The following FAM149A variants were observed in gnomAD, a reference collection of about 807,000 sequenced individuals.
FAM149A encodes protein FAM149A.
A neutral mutation model predicts 78.2 loss-of-function variants in FAM149A; 71 were observed. The observed-to-expected ratio is 0.91, with a 90% CI of 0.75 to 1.11. The LOEUF (loss-of-function observed/expected upper bound fraction) is 1.11, where lower values mean the gene tolerates loss of function less well. FAM149A is among the 50% of genes least tolerant of loss of function. The pLI, the probability that FAM149A is intolerant of heterozygous loss-of-function variation, is 0.00. For missense variants in FAM149A, 1,036 were observed against 971.0 expected (o/e 1.07, Z -0.89); for synonymous variants, 446 against 410.5 (o/e 1.09, Z -1.04).
rs1579911310 is a variant in FAM149A, at chr4:186,159,181, G to A, written c.1575+1462G>A. Among the ~76,000 whole-genome samples the A allele has an allele frequency of 2.0e-5, 3 of 152,198 alleles. No individual in the cohort carries two copies. The Middle Eastern group carries it at 0.01, about 518-fold the overall frequency. On this transcript the variant is annotated intron_variant, in intron 8 of 13. Transcript: ENST00000389354. ...TTGAGGCGTTTTGAGGAGATACAGA[G>A]GTGAATCCTAGTGATACAAAAGCCG...
intron 1 of FAM149A, chr4:186,132,122 A>C (rs527401043): frequency 3.0e-6 from 3 of 985,450 alleles, no homozygotes; most frequent in East Asian, 2.3e-4. Context: ...TGGTGATGCT[A>C]ATCATTTGAC....
rs1212665037 is a variant in FAM149A, at chr4:186,144,691, G to C, written c.567-4482G>C. On this transcript the variant is annotated intron_variant, in intron 1 of 13. Coordinates refer to ENST00000389354, the MANE Select transcript of FAM149A (RefSeq NM_001367768.3). This position sits in a 1 kb window ranked among gnomAD's most constrained non-coding sequence, Gnocchi z 4.2. ...GGTTGGAAACCCGGCCCGGCAGGGA[G>C]CGGGGAAGGCGCGCTTTCCCGGAGG... 1 of 531,294 alleles carries C rather than the reference G, an allele frequency of 1.9e-6. No individual in the cohort carries two copies. The highest frequency in any genetic ancestry group is 2.4e-6 in the Non-Finnish European group (1 of 414,366). 32.9% of individuals were successfully genotyped at this position (531,294 alleles called of 1,614,324 possible).
rs1477283429 is a variant in FAM149A, at chr4:186,104,716, G to A, written c.-361G>A. On this transcript the variant is annotated 5_prime_UTR_variant, in exon 1 of 14. Coordinates refer to ENST00000389354, the MANE Select transcript of FAM149A (RefSeq NM_001367768.3). ...CTGGGGCCCAATTAGCCTGGAGCGC[G>A]GCCGGGTGTGTTGAACGTAGCAACC... 6.7e-6 allele frequency among the ~76,000 whole-genome samples: 1 copy of A among 149,074 alleles called. No individual in the cohort carries two copies. Among genetic ancestry groups the A allele is most frequent in the East Asian group, 2.0e-4 (1 of 5,058 alleles).
rs1343668168 is a variant in FAM149A, at chr4:186,144,891, G to A, written c.567-4282G>A. 21 of 975,448 alleles carry A rather than the reference G, an allele frequency of 2.2e-5. No individual in the cohort carries two copies. Among genetic ancestry groups the A allele is most frequent in the Non-Finnish European group, 7.3e-6 (6 of 824,284 alleles). 60.4% of individuals were successfully genotyped at this position (975,448 alleles called of 1,614,324 possible). ...CGTGCGAGCCCCGCGGACCCCGGGCGCGCCCGGGCCGCCTGAGCTGGGCCA... is the reference window on the plus strand; with the variant it reads ...CGTGCGAGCCCCGCGGACCCCGGGCACGCCCGGGCCGCCTGAGCTGGGCCA... On this transcript the variant is annotated intron_variant, in intron 1 of 13. Coordinates refer to ENST00000389354, the MANE Select transcript of FAM149A (RefSeq NM_001367768.3). The surrounding 1 kb of genome is among the most constrained non-coding windows in gnomAD (Gnocchi z 4.2).
chr4:186,163,436 G>T lies in FAM149A; in HGVS notation c.1692G>T (p.Glu564Asp), dbSNP rs760901083. 7 of 1,613,356 alleles carry T rather than the reference G, an allele frequency of 4.3e-6. No homozygotes were observed. The East Asian group carries it at 1.1e-4, about 26-fold the overall frequency. ...ATTTCCTTCCCAGGAATGAGAAGGA[G>T]GACAAAGCATCGGGTGGAGGGGCAG... The change falls in exon 10 of 14, where the codon GAG (glutamate) becomes GAT (aspartate). Residue 564 changes from glutamate to aspartate, a missense_variant. Glu to Asp is a conservative substitution (Grantham distance 45). Coordinates refer to ENST00000389354, the MANE Select transcript of FAM149A (RefSeq NM_001367768.3).
rs1272868244 is a variant in FAM149A at position 186,105,488 on chromosome 4, G to GC, written c.414dup (p.Ala139ArgfsTer35). 1.1e-4 allele frequency: 137 copies of GC among 1,203,806 alleles called. No individual in the cohort carries two copies. The highest frequency in any genetic ancestry group is 1.3e-4 in the Non-Finnish European group (126 of 953,858). The allele number at this position is 1,203,806 out of a possible 1,614,324, so 74.6% of individuals were successfully genotyped here. On this transcript the variant is annotated frameshift_variant, in exon 1 of 14. Transcript: ENST00000389354. LOFTEE classifies it high-confidence loss of function. ...GCCCTCGGGCCCCGGCGGGGTCTGG[G>GC]CCGCGCTCCCCAGGAACCCGCTCCA...
chr4:186,139,631 C>T (rs891797663), intron 1 of FAM149A, among the ~76,000 whole-genome samples: 5 of 152,172 alleles, frequency 3.3e-5, no homozygotes, highest in African/African-American at 9.6e-5. Flanking sequence ...ACTGCAGTTA[C>T]TTTTGCATCC....
chr4:186,116,543 T>C (rs946730511), intron 1 of FAM149A: 1 of 985,278 alleles, frequency 1.0e-6, no homozygotes, highest in Admixed American at 6.1e-5. Flanking sequence ...TGTTCTGTCT[T>C]ATGCGTAGGC....
chr4:186,125,174 T>C (rs1438207992), intron 1 of FAM149A: 3 of 777,858 alleles, frequency 3.9e-6, no homozygotes, highest in Non-Finnish European at 4.7e-6. Flanking sequence ...GACTGGACTA[T>C]TGGAAATCCT....
chr4:186,123,430 C>A (rs1007295911), intron 1 of FAM149A: 3 of 933,190 alleles, frequency 3.2e-6, no homozygotes, highest in African/African-American at 3.6e-5. Flanking sequence ...CCTGTATGTT[C>A]TTGCTGGATA....
chr4:186,116,451 A>AC lies in FAM149A; in HGVS notation c.566+10811dup, dbSNP rs1419194142. 3 of 984,232 alleles carry AC rather than the reference A, an allele frequency of 3.0e-6. No individual in the cohort carries two copies. In the African/African-American group the frequency reaches 5.2e-5, roughly 17 times the overall value. The allele number at this position is 984,232 out of a possible 1,614,324, so 61.0% of individuals were successfully genotyped here. A position where few individuals can be genotyped will look rare whatever the true frequency, so the allele number is the denominator to read the frequency against. On this transcript the variant is annotated intron_variant, in intron 1 of 13. Transcript: ENST00000389354. ...CGTTACTTTCTATTACAGTCATATG[A>AC]CCATTACTGTCATTAAAGATAATAA... is the stretch of plus-strand genomic sequence containing the variant.
intron 6 of FAM149A, chr4:186,155,063 C>T (rs187796902): frequency 6.4e-4 from 227 of 355,086 alleles, no homozygotes; most frequent in African/African-American, 4.7e-3. Flanking sequence ...CCCGGGTTCA[C>T]GCCATTCTCC....
chr4:186,167,367 A>C (rs1180263651), intron 13 of FAM149A, 105 bp downstream of exon 13: 1 of 1,088,860 alleles, frequency 9.2e-7, no homozygotes, highest in Non-Finnish European at 1.4e-6. Context: ...ATTTTGCTGT[A>C]GGAGGGAATA....
At position 186,145,215 on chromosome 4, in the gene FAM149A, T is replaced by A. The variant is rs554041603; in HGVS notation, c.567-3958T>A. ...CGGCTGCGTCTGGCCCGGGCTTCCC[T>A]GCAGGCACTCGGGAAGCGTCAGGCC... On this transcript the variant is annotated intron_variant, in intron 1 of 13. Coordinates refer to ENST00000389354, the MANE Select transcript of FAM149A (RefSeq NM_001367768.3). 7.7e-6 allele frequency: 7 copies of A among 905,362 alleles called. No homozygotes were observed. In the African/African-American group the frequency reaches 1.3e-4, roughly 16 times the overall value. The allele number at this position is 905,362 out of a possible 1,614,324, so 56.1% of individuals were successfully genotyped here.
At chr4:186,170,733 A>C (rs1735457249) in intron 13 of FAM149A, 1 of 152,360 alleles carries the variant, frequency 6.6e-6, no homozygotes, top group South Asian at 2.1e-4. Flanking sequence ...CCAAAGTGGA[A>C]CCTTCCCCAC....
rs769254941 is a variant in FAM149A, at chr4:186,153,720, A to C, written c.1008A>C (p.Ala336=). ...TCCAGGGCAGCACTCCTGCCTCCGC[A>C]GTCCACAGACCCCCGCTCAGTGCCT... The change falls in exon 5 of 14, where the codon GCA becomes GCC. Residue 336 remains alanine, a synonymous_variant. Coordinates refer to ENST00000389354, the MANE Select transcript of FAM149A (RefSeq NM_001367768.3). 4 of 1,614,130 alleles carry C rather than the reference A, an allele frequency of 2.5e-6. No individual in the cohort carries two copies. Among genetic ancestry groups the C allele is most frequent in the Non-Finnish European group, 3.4e-6 (4 of 1,179,990 alleles).
chr4:186,116,715 A>C, intron 1 of FAM149A: 1 of 971,392 alleles, frequency 1.0e-6, no homozygotes, highest in South Asian at 4.8e-5. Context: ...CTCCTGCCTC[A>C]GACTTCTGAG....
chr4:186,158,523 G>C, intron 8 of FAM149A: 1 of 1,066,778 alleles, frequency 9.4e-7, no homozygotes, highest in South Asian at 2.9e-5. Context: ...TGGAAGAGCA[G>C]CCTGCTGCTG....
rs1379666276 is a variant in FAM149A at position 186,164,842 on chromosome 4, TTTA to T, written c.1890-496_1890-494del. Among the ~76,000 whole-genome samples the T allele has an allele frequency of 3.3e-5, 5 of 152,178 alleles. No individual in the cohort carries two copies. Among genetic ancestry groups the T allele is most frequent in the African/African-American group, 1.2e-4 (5 of 41,432 alleles). On this transcript the variant is annotated intron_variant, in intron 10 of 13. Transcript: ENST00000389354. This position sits in a 1 kb window ranked among gnomAD's most constrained non-coding sequence, Gnocchi z 4.0. ...GGGCTGCTGATTTTTCAGCTTTCTT[TTTA>T]TTATTGCCACCCTGAGGAGCCCTTT...
Sources: allele counts gnomAD v4.1 joint callset (sites outside exome capture counted in the v4.1 genomes callset), GRCh38; gene constraint gnomAD v4.1.1; non-coding constraint Gnocchi (gnomAD v3.1); transcripts MANE v1.5; gene names NCBI Gene and HGNC (gene_info 2026-07-23, HGNC 2026-07-21).